PCDH11X: variants seen among roughly 807,000 people sequenced by gnomAD.
The protein encoded by PCDH11X is protocadherin-11 X-linked.
A neutral mutation model predicts 53.3 loss-of-function variants in PCDH11X; 18 were observed. The observed-to-expected ratio is 0.34, with a 90% CI of 0.23 to 0.50. The LOEUF (loss-of-function observed/expected upper bound fraction) is 0.50, where lower values mean the gene tolerates loss of function less well. PCDH11X is among the 20% of genes least tolerant of loss of function. The pLI is 0.98. For missense variants in PCDH11X, 570 were observed against 1,032.4 expected (o/e 0.55, Z 6.14); for synonymous variants, 279 against 393.3 (o/e 0.71, Z 3.44).
chrX:92,462,436 T>G, intron 9 of PCDH11X, among the ~76,000 whole-genome samples: 1 of 111,380 alleles, frequency 9.0e-6, no homozygotes, highest in East Asian at 2.8e-4. Flanking sequence ...AAAAATGGCC[T>G]TAATTTAGAA....
chrX:92,038,257 C>A, intron 6 of PCDH11X, among the ~76,000 whole-genome samples: 1 of 103,165 alleles, frequency 9.7e-6, no homozygotes, highest in Middle Eastern at 4.7e-3. Flanking sequence ...GTCTTCATGG[C>A]AGCCCCTCTA....
chrX:92,182,095 A>G (rs2066006658), intron 6 of PCDH11X, among the ~76,000 whole-genome samples: 1 of 112,388 alleles, frequency 8.9e-6, no homozygotes, highest in Admixed American at 9.4e-5. Flanking sequence ...TGTACCCTAC[A>G]AAGCCACAGT....
At chrX:92,336,231 A>T (rs1381994759) in intron 8 of PCDH11X, among the ~76,000 whole-genome samples, 3 of 111,999 alleles carry the variant, frequency 2.7e-5, no homozygotes, top group African/African-American at 9.7e-5. Flanking sequence ...TGCATGGAAG[A>T]TCCTTTTTCA....
At chrX:92,423,855 A>G (rs1476340890) in intron 9 of PCDH11X, among the ~76,000 whole-genome samples, 3 of 96,872 alleles carry the variant, frequency 3.1e-5, no homozygotes, top group African/African-American at 1.0e-4. Context: ...CTATGTGCCT[A>G]TTTTTATACC....
At chrX:92,134,481 C>CA (rs890288153) in intron 6 of PCDH11X, among the ~76,000 whole-genome samples, 17 of 108,397 alleles carry the variant, frequency 1.6e-4, no homozygotes, top group African/African-American at 3.7e-4. Flanking sequence ...ACAAAACAAG[C>CA]AAAAAAAAGA....
At chrX:91,825,840 T>C (rs1936905964) in intron 4 of PCDH11X, among the ~76,000 whole-genome samples, 1 of 107,681 alleles carries the variant, frequency 9.3e-6, no homozygotes, top group Non-Finnish European at 1.9e-5. Context: ...TAATATAAAA[T>C]ATTATGGATC....
intron 6 of PCDH11X, among the ~76,000 whole-genome samples, chrX:92,147,979 TCCTTC>T (rs2065321732): frequency 1.1e-5 from 1 of 87,878 alleles, no homozygotes; most frequent in African/African-American, 5.3e-5. Flanking sequence ...CTTCCTTCCT[TCCTTC>T]CTTTCTTTCT....
chrX:92,516,874 C>A (rs1435236714), intron 10 of PCDH11X, among the ~76,000 whole-genome samples: 2 of 112,392 alleles, frequency 1.8e-5, no homozygotes, highest in Non-Finnish European at 3.8e-5. Context: ...TGGCATCTGC[C>A]ATCTTCAGGA....
chrX:92,067,155 C>G (rs1411303040), intron 6 of PCDH11X, among the ~76,000 whole-genome samples: 2 of 110,779 alleles, frequency 1.8e-5, no homozygotes, highest in African/African-American at 3.3e-5. Flanking sequence ...TCCTTTATTT[C>G]CTTCTCTTTT....
intron 10 of PCDH11X, among the ~76,000 whole-genome samples, chrX:92,575,127 A>G (rs1922671871): frequency 9.0e-6 from 1 of 110,893 alleles, no homozygotes. Flanking sequence ...CAATCATACT[A>G]TACATATATA....
chrX:91,932,989 T>C (rs1388046929), intron 6 of PCDH11X, among the ~76,000 whole-genome samples: 1 of 104,020 alleles, frequency 9.6e-6, no homozygotes, highest in Admixed American at 1.1e-4. Context: ...TACCTTTGAA[T>C]GAAAAATTTA....
chrX:92,107,820 A>T (rs779738188), intron 6 of PCDH11X, among the ~76,000 whole-genome samples: 17 of 112,214 alleles, frequency 1.5e-4, no homozygotes, highest in Admixed American at 5.7e-4. Flanking sequence ...GGGCTATGTC[A>T]TGGGCCATGG....
At chrX:92,303,118 G>C (rs1458120960) in intron 8 of PCDH11X, among the ~76,000 whole-genome samples, 1 of 109,598 alleles carries the variant, frequency 9.1e-6, no homozygotes, top group East Asian at 2.9e-4. Flanking sequence ...CTTGAGGTAT[G>C]AGAGCATTTG....
chrX:92,403,329 G>GTTTTTTTTTTTTTTTTTTATTTT (rs1178198433), intron 9 of PCDH11X, among the ~76,000 whole-genome samples: 1 of 58,816 alleles, frequency 1.7e-5, no homozygotes, highest in African/African-American at 7.8e-5. Flanking sequence ...GGGCATTTAC[G>GTTTTTTTTTTTTTTTTTTATTTT]TTTTTTTTTG....
At chrX:92,390,688 T>C (rs1217154488) in intron 9 of PCDH11X, among the ~76,000 whole-genome samples, 2 of 96,860 alleles carry the variant, frequency 2.1e-5, no homozygotes, top group Non-Finnish European at 4.2e-5. Context: ...TTTTGAAATG[T>C]ATTACATCTT....
chrX:91,973,341 T>G, intron 6 of PCDH11X, among the ~76,000 whole-genome samples: 1 of 100,417 alleles, frequency 1.0e-5, no homozygotes, highest in African/African-American at 3.7e-5. Flanking sequence ...TAATGCTAGA[T>G]GATGAGTTAG....
At chrX:91,966,207 T>TA (rs897747108) in intron 6 of PCDH11X, among the ~76,000 whole-genome samples, 5 of 108,325 alleles carry the variant, frequency 4.6e-5, no homozygotes, top group Admixed American at 1.0e-4. Flanking sequence ...GGAATGCAGA[T>TA]AAAACAAATA....
intron 8 of PCDH11X, among the ~76,000 whole-genome samples, chrX:92,331,279 T>TTTCTTCTTCTTCTTCTTC (rs757045963): frequency 0.011 from 568 of 53,204 alleles, 57 homozygotes; most frequent in African/African-American, 0.037. Context: ...CCTCCTCCTC[T>TTTCTTCTTCTTCTTCTTC]TTCTTCTTCT....
chrX:92,314,293 T>C (rs2069024403), intron 8 of PCDH11X, among the ~76,000 whole-genome samples: 1 of 111,096 alleles, frequency 9.0e-6, no homozygotes, highest in African/African-American at 3.3e-5. Flanking sequence ...CTACACCCAG[T>C]CAGGATCATC....
Sources: gnomAD v4.1 joint callset for allele counts (sites outside exome capture counted in the v4.1 genomes callset) on GRCh38, gnomAD v4.1.1 for gene constraint, MANE v1.5 for transcripts, NCBI Gene and HGNC (gene_info 2026-07-23, HGNC 2026-07-21) for gene names.